Variants in ADCY10 observed in about 807,000 individuals in gnomAD.
The protein encoded by ADCY10 is adenylate cyclase type 10.
A neutral mutation model predicts 183.3 loss-of-function variants in ADCY10; 156 were observed. That is an observed-to-expected ratio of 0.85 (90% CI 0.75 to 0.97). The LOEUF (loss-of-function observed/expected upper bound fraction) is 0.97. Ranked by LOEUF, ADCY10 falls within the 50% of genes least tolerant of loss-of-function variation. The pLI, the probability that ADCY10 is intolerant of heterozygous loss-of-function variation, is 0.00. For missense variants in ADCY10, 1,745 were observed against 1,934.3 expected, an observed-to-expected ratio of 0.90 and a Z score of 1.84; for synonymous variants, 645 against 670.0, an observed-to-expected ratio of 0.96 and a Z score of 0.58.
At chr1:167,896,443 G>T in intron 7 of ADCY10, 152 bp downstream of exon 7, 1 of 732,904 alleles carries the variant, frequency 1.4e-6, no homozygotes, top group East Asian at 2.5e-5. Flanking sequence ...TTGCTGTCCC[G>T]GAGAATGGGA....
intron 1 of ADCY10, among the ~76,000 whole-genome samples, chr1:167,907,827 G>T (rs1455220530): frequency 6.6e-6 from 1 of 152,164 alleles, no homozygotes; most frequent in East Asian, 1.9e-4. Context: ...ATATCCTTGT[G>T]AGTAAAATAT....
intron 13 of ADCY10, among the ~76,000 whole-genome samples, chr1:167,873,702 A>G (rs990065246): frequency 8.5e-5 from 13 of 152,352 alleles, no homozygotes; most frequent in African/African-American, 3.1e-4. Context: ...TATCAATTCC[A>G]AATGGATTGT....
At chr1:167,816,834 T>C (rs532641526) in intron 31 of ADCY10, among the ~76,000 whole-genome samples, 1 of 152,150 alleles carries the variant, frequency 6.6e-6, no homozygotes, top group African/African-American at 2.4e-5. Context: ...AGAAGGAAAA[T>C]ATGTAGTTCA....
intron 19 of ADCY10, among the ~76,000 whole-genome samples, chr1:167,847,245 C>T (rs1220544458): frequency 6.6e-6 from 1 of 151,910 alleles, no homozygotes; most frequent in African/African-American, 2.4e-5. Context: ...ACACAGCTAA[C>T]GAAACATAAA....
chr1:167,885,940 A>C (rs996602885), intron 8 of ADCY10, among the ~76,000 whole-genome samples: 19 of 152,046 alleles, frequency 1.2e-4, no homozygotes, highest in African/African-American at 4.1e-4. Context: ...CCCATTTTTT[A>C]ATCAGATTAT....
At chr1:167,822,905 C>T (rs1249708344) in intron 29 of ADCY10, 103 bp downstream of exon 29, 1 of 990,890 alleles carries the variant, frequency 1.0e-6, no homozygotes, top group Non-Finnish European at 1.6e-6. Context: ...GTCCACCAGC[C>T]AGAAACCTAG....
At chr1:167,878,949 G>A (rs1030825620) in intron 11 of ADCY10, among the ~76,000 whole-genome samples, 18 of 152,236 alleles carry the variant, frequency 1.2e-4, no homozygotes, top group African/African-American at 4.1e-4. Flanking sequence ...GGCTCTCAGA[G>A]AAGGTGTCAG....
In ADCY10 at chr1:167,845,693, T is replaced by A. The variant is rs1321962551; in HGVS notation, c.2877A>T (p.Glu959Asp). The change falls in exon 21 of 33, where the codon GAA becomes GAT. Residue 959 changes from glutamate to aspartate, a missense_variant. Glu to Asp is a conservative substitution (Grantham distance 45). Coordinates refer to ENST00000367851, the MANE Select transcript of ADCY10 (RefSeq NM_018417.6). Reference sequence around the variant, plus strand: ...GGCAGTGGTCACATCTGTGGGCATCTTCTTCTAAAAAGCGGGCACATTTCA... The same window carrying A: ...GGCAGTGGTCACATCTGTGGGCATCATCTTCTAAAAAGCGGGCACATTTCA... The part of the protein sequence containing the change: ...MHLKCARFLE[E>D]DAHRCDHCRG... 1 of 1,614,132 alleles carries A rather than the reference T, an allele frequency of 6.2e-7. No homozygotes were observed. Among genetic ancestry groups the A allele is most frequent in the Non-Finnish European group, 8.5e-7 (1 of 1,180,060 alleles).
Position 167,836,533 on chromosome 1 carries a change from C to T in ADCY10, c.3085G>A (p.Glu1029Lys), listed in dbSNP as rs199931688. The T allele has an allele frequency of 2.9e-4, 463 of 1,590,868 alleles. No homozygotes were observed. Among genetic ancestry groups the T allele is most frequent in the Non-Finnish European group, 3.7e-4 (429 of 1,159,044 alleles). Residue 1029 changes from glutamate (E) to lysine (K), a missense_variant, in exon 23 of 33, where the codon GAA becomes AAA. Physicochemically the swap from Glu to Lys is moderately conservative, Grantham distance 56. Coordinates refer to ENST00000367851, the MANE Select transcript of ADCY10 (RefSeq NM_018417.6). ...AFFPENRSPE[E>K]IREKILNFFD... is the part of the protein sequence containing the mutation. ...AAATTCAAGATCTTTTCTCTTATTT[C>T]TTCAGGACTGTCCATATGCAGAAAT...
chr1:167,900,691 C>T (rs1318349371), intron 5 of ADCY10, among the ~76,000 whole-genome samples: 1 of 152,138 alleles, frequency 6.6e-6, no homozygotes, highest in Non-Finnish European at 1.5e-5. Context: ...CGCCATCACG[C>T]CTGGCTAATT....
At position 167,845,804 on chromosome 1, in the gene ADCY10, C is replaced by T. The variant is rs545746710; in HGVS notation, c.2766G>A (p.Glu922=). Residue 922 remains glutamate (E), a synonymous_variant, in exon 21 of 33, where the codon GAG becomes GAA. Transcript: ENST00000367851. Reference sequence around the variant, plus strand: ...GGTTACAGAATCGAATCCTGTGGCACTCGATCACCTCATTCTCCAGTTCAC... The same window carrying T: ...GGTTACAGAATCGAATCCTGTGGCATTCGATCACCTCATTCTCCAGTTCAC... ...QLRELENEVI[E]CHRIRFCNPM... The T allele has an allele frequency of 9.6e-5, 155 of 1,614,178 alleles. 2 individuals are homozygous for T. In the South Asian group the frequency reaches 1.6e-3, roughly 17 times the overall value.
intron 31 of ADCY10, 134 bp downstream of exon 31, chr1:167,817,938 T>G (rs911930040): frequency 1.1e-6 from 1 of 880,540 alleles, no homozygotes; most frequent in African/African-American, 1.7e-5. Flanking sequence ...TCTTTCTTAC[T>G]TTGGGGAAGT....
chr1:167,811,018 A>C lies in ADCY10; in HGVS notation c.4483-105T>G, dbSNP rs1286282406. 1.2e-5 allele frequency: 13 copies of C among 1,087,220 alleles called. No individual in the cohort carries two copies. The East Asian group carries it at 2.3e-4, about 19-fold the overall frequency. The allele number at this position is 1,087,220 out of a possible 1,614,324, so 67.3% of individuals were successfully genotyped here. The stretch of plus-strand genomic sequence containing the variant: ...TTGGGAACATTTCAAGGATTTAAGC[A>C]ATCAAGTGAGAAAATACATTATAGA... On this transcript the variant is annotated intron_variant, in intron 31 of 32. Transcript: ENST00000367851.
rs368399138 is a variant in ADCY10, at chr1:167,883,588, C to T, written c.869G>A (p.Arg290His). The T allele has an allele frequency of 8.3e-5, 134 of 1,614,062 alleles. No homozygotes were observed. The highest frequency in any genetic ancestry group is 1.1e-4 in the Non-Finnish European group (130 of 1,180,044). Residue 290 changes from arginine (R) to histidine (H), a missense_variant, in exon 9 of 33, where the codon CGC becomes CAC. Coordinates refer to ENST00000367851, the MANE Select transcript of ADCY10 (RefSeq NM_018417.6). ...GTTCACAAACACAATCGTCACTGGG[C>T]GAAGCTCAGATAAATAGCCCTGAAG... Reference protein sequence around the residue: ...KQLQGYLSELRPVTIVFVNLM... With the variant: ...KQLQGYLSELHPVTIVFVNLM...
At chr1:167,819,247 A>ATT (rs11454786) in intron 30 of ADCY10, among the ~76,000 whole-genome samples, 24,618 of 128,202 alleles carry the variant, frequency 0.19, 2,852 homozygotes, top group Non-Finnish European at 0.25. Context: ...AGAAAATCCG[A>ATT]TTTTTTTTTT....
chr1:167,898,607 TAA>T (rs1219407302), intron 6 of ADCY10, among the ~76,000 whole-genome samples: 1 of 94,808 alleles, frequency 1.1e-5, no homozygotes, highest in Non-Finnish European at 2.4e-5. Context: ...TTTTTTTTTT[TAA>T]AAAAAGAATG....
intron 14 of ADCY10, among the ~76,000 whole-genome samples, chr1:167,864,413 A>G (rs203805): frequency 0.044 from 6,720 of 152,266 alleles, 359 homozygotes; most frequent in African/African-American, 0.13. Flanking sequence ...ATCAGAAGGA[A>G]GCCTAGACAG....
intron 12 of ADCY10, among the ~76,000 whole-genome samples, chr1:167,875,620 G>T (rs1667398522): frequency 6.6e-6 from 1 of 152,166 alleles, no homozygotes; most frequent in African/African-American, 2.4e-5. Context: ...TGCTTTACAT[G>T]CATCATTTTC....
intron 18 of ADCY10, among the ~76,000 whole-genome samples, chr1:167,850,778 G>A (rs1665424216): frequency 6.6e-6 from 1 of 151,330 alleles, no homozygotes; most frequent in African/African-American, 2.4e-5. Flanking sequence ...TCCCCTTCCA[G>A]GACCTAGCAT....
Sources: allele counts gnomAD v4.1 joint callset (sites outside exome capture counted in the v4.1 genomes callset), GRCh38; gene constraint gnomAD v4.1.1; transcripts MANE v1.5; gene names NCBI Gene and HGNC (gene_info 2026-07-23, HGNC 2026-07-21).